Variants in LRRC4C observed in about 807,000 individuals in gnomAD.
The protein encoded by LRRC4C is leucine-rich repeat-containing protein 4C.
LRRC4C carries 5 observed loss-of-function variants against 33.6 expected under a neutral mutation model. That is an observed-to-expected ratio of 0.15 (90% CI 0.08 to 0.31). LRRC4C has a LOEUF of 0.31. LRRC4C is among the 10% of genes least tolerant of loss of function. The probability of loss-of-function intolerance (pLI) is 1.00; values close to 1 mark genes in which losing one functional copy is unlikely to be tolerated. For missense variants in LRRC4C, 560 were observed against 796.7 expected (o/e 0.70, Z 3.58); for synonymous variants, 329 against 302.0 (o/e 1.09, Z -0.93).
At chr11:40,242,657 G>A (rs1328465240) in intron 4 of LRRC4C, among the ~76,000 whole-genome samples, 3 of 152,068 alleles carry the variant, frequency 2.0e-5, no homozygotes, top group African/African-American at 7.2e-5. Context: ...ACATACACAA[G>A]TGAACCTGAA....
intron 2 of LRRC4C, among the ~76,000 whole-genome samples, chr11:40,899,936 G>A (rs1214856144): frequency 6.6e-6 from 1 of 152,120 alleles, no homozygotes; most frequent in African/African-American, 2.4e-5. Context: ...GTATGTGTCT[G>A]GAGAGTACCT....
chr11:41,010,553 G>C (rs1194377600), intron 1 of LRRC4C, among the ~76,000 whole-genome samples: 1 of 152,192 alleles, frequency 6.6e-6, no homozygotes, highest in Non-Finnish European at 1.5e-5. Context: ...GATGTAGCCA[G>C]AAGGATAACA....
intron 2 of LRRC4C, among the ~76,000 whole-genome samples, chr11:40,912,938 A>G (rs1321453332): frequency 6.6e-6 from 1 of 152,224 alleles, no homozygotes; most frequent in Non-Finnish European, 1.5e-5. Context: ...CAAAGATCAA[A>G]AGAGACAAAG....
rs1192684825 is a variant in LRRC4C, at chr11:40,278,628, C to T, written c.-175-37030G>A. ...TGAAAAATTGATCACTACAGCCAGA[C>T]GATTTGCTGGAAGAACAAAATTCCT... is the stretch of plus-strand genomic sequence containing the variant. On this transcript the variant is annotated intron_variant, in intron 4 of 6. Coordinates refer to ENST00000528697, the MANE Select transcript of LRRC4C (RefSeq NM_001258419.2). Among the ~76,000 whole-genome samples the T allele has an allele frequency of 4.6e-5, 7 of 152,134 alleles. No individual in the cohort carries two copies. In the East Asian group the frequency reaches 7.7e-4, roughly 17 times the overall value.
At position 40,114,367 on chromosome 11, in the gene LRRC4C, G is replaced by A. The variant is rs755236269; in HGVS notation, c.*3C>T. 4 of 1,580,510 alleles carry A rather than the reference G, an allele frequency of 2.5e-6. No homozygotes were observed. The highest frequency in any genetic ancestry group is 3.4e-6 in the Non-Finnish European group (4 of 1,163,588). ...GTTTGTTTTTTGTAACTCTGTAAAT[G>A]TTTTAGATTTGAGTCTCTTGTACAT... On this transcript the variant is annotated 3_prime_UTR_variant, in exon 7 of 7. Transcript: ENST00000528697.
intron 2 of LRRC4C, among the ~76,000 whole-genome samples, chr11:40,669,219 C>G (rs920115781): frequency 2.0e-5 from 3 of 152,190 alleles, no homozygotes; most frequent in Admixed American, 2.0e-4. Flanking sequence ...ATCAATTCAT[C>G]ATGTCCTGGA....
intron 1 of LRRC4C, among the ~76,000 whole-genome samples, chr11:41,273,488 A>G (rs1164363093): frequency 6.6e-6 from 1 of 152,200 alleles, no homozygotes; most frequent in Non-Finnish European, 1.5e-5. Context: ...GAAATAAGCC[A>G]TTCACAAAAG....
chr11:40,943,160 C>G (rs1958234468), intron 1 of LRRC4C, among the ~76,000 whole-genome samples: 1 of 152,148 alleles, frequency 6.6e-6, no homozygotes, highest in Non-Finnish European at 1.5e-5. Context: ...GAAGACTTAA[C>G]TTACTCGTGG....
rs372033882 is a variant in LRRC4C, at chr11:40,472,598, AAT to A, written c.-269-152879_-269-152878del. On this transcript the variant is annotated intron_variant, in intron 3 of 6. Transcript: ENST00000528697. Reference sequence around the variant, plus strand: ...ATTCAAAAACTAGCAGAAGACAAGAAATAACTAAGATCAGAGCAGAACTGAAG... The same window carrying A: ...ATTCAAAAACTAGCAGAAGACAAGAAAACTAAGATCAGAGCAGAACTGAAG... Among the ~76,000 whole-genome samples the A allele has an allele frequency of 5.1e-3, 779 of 151,882 alleles. 11 individuals carry two copies. The highest frequency in any genetic ancestry group is 0.018 in the African/African-American group (750 of 41,432).
chr11:40,424,967 C>T (rs780472020), intron 3 of LRRC4C, among the ~76,000 whole-genome samples: 1 of 152,080 alleles, frequency 6.6e-6, no homozygotes, highest in Non-Finnish European at 1.5e-5. Context: ...AACAGATGTT[C>T]CAGTTAGATA....
chr11:40,542,684 G>A (rs1956771154), intron 3 of LRRC4C, among the ~76,000 whole-genome samples: 1 of 151,866 alleles, frequency 6.6e-6, no homozygotes, highest in Non-Finnish European at 1.5e-5. Context: ...GCTTGCTCTT[G>A]CTGGTTAGAT....
chr11:40,477,660 T>C (rs1953309397), intron 3 of LRRC4C, among the ~76,000 whole-genome samples: 1 of 152,198 alleles, frequency 6.6e-6, no homozygotes, highest in Non-Finnish European at 1.5e-5. Context: ...TTGCCTGCTC[T>C]AGATACCACG....
intron 4 of LRRC4C, among the ~76,000 whole-genome samples, chr11:40,250,966 T>C (rs1313200606): frequency 6.6e-6 from 1 of 152,144 alleles, no homozygotes; most frequent in African/African-American, 2.4e-5. Flanking sequence ...TTTTAATTAA[T>C]CAAAGTTATA....
At chr11:40,428,438 T>A (rs1422654500) in intron 3 of LRRC4C, among the ~76,000 whole-genome samples, 1 of 152,218 alleles carries the variant, frequency 6.6e-6, no homozygotes, top group Admixed American at 6.5e-5. Context: ...AAGCTCTATC[T>A]CTGACATAAT....
At chr11:40,724,252 T>C (rs1035880057) in intron 2 of LRRC4C, among the ~76,000 whole-genome samples, 5 of 152,122 alleles carry the variant, frequency 3.3e-5, no homozygotes, top group African/African-American at 1.2e-4. Flanking sequence ...ACTTGACCAG[T>C]TGGATCTAAT....
chr11:40,305,793 G>A (rs769371851), intron 4 of LRRC4C, among the ~76,000 whole-genome samples: 2 of 152,016 alleles, frequency 1.3e-5, no homozygotes, highest in African/African-American at 4.8e-5. Flanking sequence ...ATCAATAACC[G>A]GTTACACCTG....
chr11:41,106,974 T>C (rs753802493), intron 1 of LRRC4C, among the ~76,000 whole-genome samples: 1 of 151,572 alleles, frequency 6.6e-6, no homozygotes. Context: ...GATTGCACCA[T>C]GTACTCTAGC....
chr11:40,754,021 C>T (rs970815785), intron 2 of LRRC4C, among the ~76,000 whole-genome samples: 1 of 151,852 alleles, frequency 6.6e-6, no homozygotes, highest in Non-Finnish European at 1.5e-5. Context: ...TACACACACA[C>T]ATTCTGCTTA....
At chr11:40,224,709 C>T (rs1438003737) in intron 5 of LRRC4C, among the ~76,000 whole-genome samples, 1 of 152,148 alleles carries the variant, frequency 6.6e-6, no homozygotes, top group Non-Finnish European at 1.5e-5. Flanking sequence ...AATGCTTAGC[C>T]TGCATGGAGA....
Sources: allele counts gnomAD v4.1 joint callset (sites outside exome capture counted in the v4.1 genomes callset), GRCh38; gene constraint gnomAD v4.1.1; transcripts MANE v1.5; gene names NCBI Gene and HGNC (gene_info 2026-07-23, HGNC 2026-07-21).